Variants in CUBN observed in about 807,000 individuals in gnomAD.
CUBN encodes 460 kDa receptor.
In CUBN, 282 loss-of-function variants were observed where a neutral mutation model predicts 405.3. That is an observed-to-expected ratio of 0.70 (90% CI 0.63 to 0.77). The LOEUF (loss-of-function observed/expected upper bound fraction) is 0.77. CUBN is among the 30% of genes least tolerant of loss of function. The pLI is 0.00. For synonymous variants in CUBN, 1,684 were observed against 1,617.0 expected (o/e 1.04, Z -0.99); for missense variants, 4,514 against 4,475.2 (o/e 1.01, Z -0.25).
chr10:16,910,908 A>G (rs544850748), intron 48 of CUBN, among the ~76,000 whole-genome samples: 1 of 152,266 alleles, frequency 6.6e-6, no homozygotes, highest in Non-Finnish European at 1.5e-5. Context: ...GCAAGAGGGT[A>G]TGCCTCACCA....
At chr10:17,014,952 C>A (rs1296913710) in intron 28 of CUBN, among the ~76,000 whole-genome samples, 3 of 152,178 alleles carry the variant, frequency 2.0e-5, no homozygotes, top group African/African-American at 7.2e-5. Flanking sequence ...GCAAACCAAT[C>A]TGCCTCCCTT....
chr10:17,089,668 T>C (rs1836208068), intron 14 of CUBN, among the ~76,000 whole-genome samples: 5 of 152,210 alleles, frequency 3.3e-5, no homozygotes. Context: ...GTACGATCAC[T>C]ACATAAGAGA....
intron 56 of CUBN, among the ~76,000 whole-genome samples, chr10:16,878,244 C>T (rs531241888): frequency 1.3e-4 from 20 of 152,144 alleles, no homozygotes; most frequent in South Asian, 1.0e-3. Context: ...GCTGAGATCG[C>T]GCCACTTCAC....
intron 36 of CUBN, among the ~76,000 whole-genome samples, chr10:16,946,094 G>A (rs773796169): frequency 2.6e-5 from 4 of 152,124 alleles, no homozygotes; most frequent in Admixed American, 6.5e-5. Flanking sequence ...ACTTATATTC[G>A]CTTCAAAACA....
intron 31 of CUBN, among the ~76,000 whole-genome samples, chr10:16,981,875 A>C (rs572848952): frequency 1.6e-4 from 24 of 151,916 alleles, no homozygotes; most frequent in Non-Finnish European, 1.8e-4. Flanking sequence ...CTTCTCCTCC[A>C]CTCCCATCTC....
intron 47 of CUBN, among the ~76,000 whole-genome samples, chr10:16,914,339 T>C (rs1341413869): frequency 3.9e-5 from 6 of 151,950 alleles, no homozygotes; most frequent in Non-Finnish European, 7.4e-5. Context: ...GGCAGGCAGA[T>C]CACAAGGCCA....
intron 27 of CUBN, 94 bp from the exon 28 acceptor site, chr10:17,020,077 T>C: frequency 1.4e-6 from 2 of 1,431,518 alleles, no homozygotes; most frequent in Non-Finnish European, 2.0e-6. Flanking sequence ...TGTTCCTTGG[T>C]TCAAAAGTTA....
intron 56 of CUBN, among the ~76,000 whole-genome samples, chr10:16,880,740 G>A (rs903489260): frequency 3.3e-5 from 5 of 152,116 alleles, no homozygotes; most frequent in Admixed American, 2.6e-4. Flanking sequence ...CAGCTCCTTC[G>A]CTAAGTTTCT....
intron 28 of CUBN, among the ~76,000 whole-genome samples, chr10:16,997,449 A>AG (rs397847161): frequency 6.7e-6 from 1 of 149,720 alleles, no homozygotes; most frequent in Non-Finnish European, 1.5e-5. Context: ...AAAAAAAAAA[A>AG]GGCAGCTTGT....
At chr10:16,998,243 G>A (rs1410332887) in intron 28 of CUBN, among the ~76,000 whole-genome samples, 2 of 151,992 alleles carry the variant, frequency 1.3e-5, no homozygotes, top group Non-Finnish European at 2.9e-5. Flanking sequence ...ATGCAGTCAA[G>A]TTAAAATGAG....
chr10:17,092,957 T>C (rs112655694), intron 14 of CUBN, among the ~76,000 whole-genome samples: 1 of 152,248 alleles, frequency 6.6e-6, no homozygotes, highest in Non-Finnish European at 1.5e-5. Context: ...AATTATTGTT[T>C]GTTTGTTTTA....
At chr10:16,930,996 C>T (rs1028670692) in intron 40 of CUBN, among the ~76,000 whole-genome samples, 2 of 151,962 alleles carry the variant, frequency 1.3e-5, no homozygotes, top group East Asian at 1.9e-4. Context: ...GTGGCTCACA[C>T]CTGTAATCAC....
At chr10:17,113,566 T>C (rs1836817513) in intron 8 of CUBN, among the ~76,000 whole-genome samples, 1 of 152,190 alleles carries the variant, frequency 6.6e-6, no homozygotes, top group African/African-American at 2.4e-5. Flanking sequence ...ATTCAGTTGC[T>C]GCAGGGCATA....
At chr10:16,866,527 G>C (rs765209474) in intron 59 of CUBN, among the ~76,000 whole-genome samples, 4 of 152,322 alleles carry the variant, frequency 2.6e-5, no homozygotes, top group South Asian at 4.1e-4. Flanking sequence ...TGCCCACTTA[G>C]CCAAATCCAC....
intron 43 of CUBN, among the ~76,000 whole-genome samples, chr10:16,921,346 C>G (rs1842027989): frequency 6.6e-6 from 1 of 152,110 alleles, no homozygotes; most frequent in Non-Finnish European, 1.5e-5. Flanking sequence ...TCCCTCTGTA[C>G]ATTAACTTCC....
intron 36 of CUBN, among the ~76,000 whole-genome samples, chr10:16,942,355 T>G (rs1357687859): frequency 6.6e-6 from 1 of 152,134 alleles, no homozygotes; most frequent in Non-Finnish European, 1.5e-5. Flanking sequence ...GGTAGTATCC[T>G]GAATATAAAA....
intron 31 of CUBN, among the ~76,000 whole-genome samples, chr10:16,966,365 A>G (rs2942358): frequency 0.34 from 52,389 of 151,892 alleles, 9,238 homozygotes; most frequent in Middle Eastern, 0.45. Flanking sequence ...ATTCAGATAT[A>G]AAGCTCCTCC....
At chr10:16,981,798 C>T (rs952855147) in intron 31 of CUBN, among the ~76,000 whole-genome samples, 17 of 152,160 alleles carry the variant, frequency 1.1e-4, no homozygotes, top group African/African-American at 3.9e-4. Context: ...GTAAAGGAGT[C>T]AAGGAAACCC....
At chr10:16,852,798 T>C (rs1008943155) in intron 59 of CUBN, among the ~76,000 whole-genome samples, 8 of 152,242 alleles carry the variant, frequency 5.3e-5, no homozygotes, top group African/African-American at 1.9e-4. Context: ...GAAAACTGAA[T>C]TTATGAAGAA....
Sources: allele counts gnomAD v4.1 joint callset (sites outside exome capture counted in the v4.1 genomes callset), GRCh38; gene constraint gnomAD v4.1.1; transcripts MANE v1.5; gene names NCBI Gene and HGNC (gene_info 2026-07-23, HGNC 2026-07-21).